The following PPFIA4 variants were observed in gnomAD, a reference collection of about 807,000 sequenced individuals.
PPFIA4 encodes the protein liprin-alpha-4.
In PPFIA4, 98 loss-of-function variants were observed where a neutral mutation model predicts 145.7. The ratio of observed to expected loss-of-function variants is 0.67; its 90% CI spans 0.57 to 0.80. PPFIA4 has a LOEUF of 0.80. Ranked by LOEUF, PPFIA4 falls within the 30% of genes least tolerant of loss-of-function variation. The pLI, the probability that PPFIA4 is intolerant of heterozygous loss-of-function variation, is 0.00. For missense variants in PPFIA4, 1,457 were observed against 1,632.7 expected (o/e 0.89, Z 1.85); for synonymous variants, 628 against 649.6 (o/e 0.97, Z 0.51).
chr1:203,053,366 C>G (rs920902089), intron 14 of PPFIA4, among the ~76,000 whole-genome samples: 1 of 151,994 alleles, frequency 6.6e-6, no homozygotes, highest in Non-Finnish European at 1.5e-5. Context: ...AACCCCGTCT[C>G]TACTAAAATA....
At chr1:203,052,807 A>G (rs1298880533) in intron 14 of PPFIA4, among the ~76,000 whole-genome samples, 1 of 152,042 alleles carries the variant, frequency 6.6e-6, no homozygotes, top group African/African-American at 2.4e-5. Context: ...TCCGCTGGAT[A>G]GGTTTGTAGG....
At position 203,039,024 on chromosome 1, in the gene PPFIA4, C is replaced by T; in HGVS notation, c.16C>T (p.Pro6Ser). 3 of 1,549,744 alleles carry T rather than the reference C, an allele frequency of 1.9e-6. No homozygotes were observed. Among genetic ancestry groups the T allele is most frequent in the Non-Finnish European group, 2.6e-6 (3 of 1,152,130 alleles). MCEVM[P>S]TINEGDRLGP... ...AACCCCCACCATGTGTGAGGTGATGCCCACAATCAATGAGGGGGACCGCCT... is the reference window on the plus strand; with the variant it reads ...AACCCCCACCATGTGTGAGGTGATGTCCACAATCAATGAGGGGGACCGCCT... The change falls in exon 2 of 30, where the codon CCC becomes TCC. Residue 6 changes from proline (P) to serine (S), a missense_variant. Coordinates refer to ENST00000295706, the MANE Select transcript of PPFIA4 (RefSeq NM_001304331.2).
At chr1:203,058,590 G>C (rs372704806) in intron 19 of PPFIA4, among the ~76,000 whole-genome samples, 6 of 152,076 alleles carry the variant, frequency 3.9e-5, no homozygotes, top group Non-Finnish European at 8.8e-5. Flanking sequence ...TGTGCACTGT[G>C]GGGGGGTGAC....
At chr1:203,066,335 C>T (rs374392550) in intron 25 of PPFIA4, among the ~76,000 whole-genome samples, 1 of 152,298 alleles carries the variant, frequency 6.6e-6, no homozygotes, top group East Asian at 1.9e-4. Flanking sequence ...AGAAGAGCCT[C>T]CTGCTGAGAA....
intron 24 of PPFIA4, among the ~76,000 whole-genome samples, chr1:203,062,517 A>G (rs892745828): frequency 1.5e-4 from 22 of 149,918 alleles, no homozygotes; most frequent in Non-Finnish European, 3.0e-4. Context: ...GATAGTCTCA[A>G]TAAGTAAACA....
chr1:203,046,227 T>C, intron 8 of PPFIA4, 21 bp from the exon 9 acceptor site: 1 of 1,577,204 alleles, frequency 6.3e-7, no homozygotes, highest in Non-Finnish European at 8.6e-7. Flanking sequence ...TTGAATCACT[T>C]CACCACCCCC....
Position 203,060,085 on chromosome 1 carries a change from C to A in PPFIA4, c.2584-132C>A. 4 of 884,460 alleles carry A rather than the reference C, an allele frequency of 4.5e-6. No homozygotes were observed. In the South Asian group the frequency reaches 6.6e-5, roughly 15 times the overall value. The allele number at this position is 884,460 out of a possible 1,614,324, so 54.8% of individuals were successfully genotyped here. A position where few individuals can be genotyped will look rare whatever the true frequency, so the allele number is the denominator to read the frequency against. On this transcript the variant is annotated intron_variant, in intron 21 of 29. Transcript: ENST00000295706. The surrounding 1 kb of genome is among the most constrained non-coding windows in gnomAD (Gnocchi z 4.8). ...ATGGGAGAGTGAGGGGTTTGATGAC[C>A]GCCACATTCCTATGATCTGTATTTG...
chr1:203,064,670 A>G (rs545850959), intron 25 of PPFIA4, among the ~76,000 whole-genome samples: 1 of 152,254 alleles, frequency 6.6e-6, no homozygotes, highest in Non-Finnish European at 1.5e-5. Flanking sequence ...AGTAGATTTT[A>G]TATACAATTC....
rs1205777692 is a variant in PPFIA4 at position 203,063,972 on chromosome 1, G to A, written c.3019G>A (p.Val1007Ile). ...LDHLTKKDLR[V>I]HLKMVDSFHR... The stretch of plus-strand genomic sequence containing the variant: ...CCACCTCACCAAGAAGGACCTGCGG[G>A]TCCACCTGAAGATGGTGGACAGCTT... Residue 1007 changes from valine (V) to isoleucine (I), a missense_variant, in exon 25 of 30, where the codon GTC (valine) becomes ATC (isoleucine). Around this residue, in one of 3 missense-constraint regions of PPFIA4, gnomAD observed 848 missense variants for 1,046.7 expected, o/e 0.81. Coordinates refer to ENST00000295706, the MANE Select transcript of PPFIA4 (RefSeq NM_001304331.2). The A allele has an allele frequency of 6.2e-7, 1 of 1,613,796 alleles. No individual in the cohort carries two copies. Among genetic ancestry groups the A allele is most frequent in the South Asian group, 1.1e-5 (1 of 91,080 alleles).
intron 1 of PPFIA4, among the ~76,000 whole-genome samples, chr1:203,027,115 C>T (rs536054362): frequency 2.0e-5 from 3 of 152,314 alleles, no homozygotes; most frequent in South Asian, 2.1e-4. Flanking sequence ...GCTAGCTCTC[C>T]ATTCCTCGAA....
intron 1 of PPFIA4, among the ~76,000 whole-genome samples, chr1:203,027,505 G>A (rs1008480584): frequency 6.6e-6 from 1 of 152,192 alleles, no homozygotes; most frequent in African/African-American, 2.4e-5. Context: ...AGAGGAGCAG[G>A]AGAGTTGGGG....
In PPFIA4 at chr1:203,059,792, C is replaced by T. The variant is rs1373921379; in HGVS notation, c.2524C>T (p.Arg842Cys). ...KKKHQLLEDA[R>C]RKGMPFAQWD... The stretch of plus-strand genomic sequence containing the variant: ...AAGACACCAGCTGCTTGAAGATGCC[C>T]GCAGGAAAGGAATGCCCTTTGCCCA... The change falls in exon 21 of 30, where the codon CGC (arginine) becomes TGC (cysteine). Residue 842 changes from arginine (R) to cysteine (C), a missense_variant. Around this residue, in one of 3 missense-constraint regions of PPFIA4, gnomAD observed 848 missense variants for 1,046.7 expected, o/e 0.81. Transcript: ENST00000295706. The T allele has an allele frequency of 5.0e-6, 8 of 1,613,496 alleles. No homozygotes were observed. The highest frequency in any genetic ancestry group is 1.1e-5 in the South Asian group (1 of 90,918).
chr1:203,074,174 G>C (rs1159811265), intron 28 of PPFIA4, among the ~76,000 whole-genome samples: 2 of 152,162 alleles, frequency 1.3e-5, no homozygotes, highest in African/African-American at 4.8e-5. Flanking sequence ...CTTAGCTACG[G>C]GGATAAGTTC....
chr1:203,053,854 G>A lies in PPFIA4; in HGVS notation c.1722G>A (p.Gly574=), dbSNP rs569224275. Residue 574 remains glycine (G), a synonymous_variant, in exon 15 of 30, where the codon GGG becomes GGA. Transcript: ENST00000295706. The stretch of plus-strand genomic sequence containing the variant: ...CCGACGTGGATGAGGATGAGCCAGG[G>A]GGTCTGGTGGGCTCTGCGGATGTTG... The part of the protein sequence containing the change: ...EISDVDEDEP[G]GLVGSADVVS... 1.3e-6 allele frequency: 2 copies of A among 1,555,876 alleles called. No homozygotes were observed. Among genetic ancestry groups the A allele is most frequent in the Admixed American group, 1.9e-5 (1 of 51,558 alleles).
chr1:203,071,435 T>TGAGATTACAGGCGTGAGCCACCGC (rs1558103447), intron 27 of PPFIA4, among the ~76,000 whole-genome samples: 1 of 151,270 alleles, frequency 6.6e-6, no homozygotes, highest in African/African-American at 2.4e-5. Context: ...CCTCCCAAAG[T>TGAGATTACAGGCGTGAGCCACCGC]GCCCGGCCAC....
chr1:203,039,330 A>G, intron 2 of PPFIA4, 88 bp downstream of exon 2: 1 of 941,506 alleles, frequency 1.1e-6, no homozygotes, highest in Non-Finnish European at 1.5e-6. Flanking sequence ...ATCTGCATCT[A>G]TTTGCATATC....
Position 203,068,494 on chromosome 1 carries a change from C to T in PPFIA4, c.3190C>T (p.Gln1064Ter). The T allele has an allele frequency of 6.2e-7, 1 of 1,608,500 alleles. No individual in the cohort carries two copies. ...CAACGACCAGGTGGTTCATTGGGTC[C>T]AGTCTATTGGGCTCCGGGACTACGC... Reference protein sequence around the residue: ...WTNDQVVHWVQSIGLRDYAGN... With the variant: ...WTNDQVVHWV The change falls in exon 27 of 30, where the codon CAG becomes TAG. Residue 1064 changes from glutamine (Q) to a stop codon, truncating the protein, a stop_gained. Transcript: ENST00000295706. LOFTEE classifies it high-confidence loss of function. The surrounding 1 kb of genome is among the most constrained non-coding windows in gnomAD (Gnocchi z 4.7).
intron 4 of PPFIA4, 125 bp downstream of exon 4, chr1:203,044,220 A>G (rs1659903160): frequency 8.1e-7 from 1 of 1,227,926 alleles, no homozygotes; most frequent in Non-Finnish European, 1.1e-6. Flanking sequence ...CATTGTCTTA[A>G]CTTCAAGGTC....
intron 26 of PPFIA4, 36 bp downstream of exon 26, chr1:203,067,828 G>A: frequency 6.3e-7 from 1 of 1,595,276 alleles, no homozygotes; most frequent in Non-Finnish European, 8.6e-7. Context: ...TTCGGGAGCA[G>A]CCTGCTTGGC....
Sources: allele counts gnomAD v4.1 joint callset (sites outside exome capture counted in the v4.1 genomes callset), GRCh38; gene constraint gnomAD v4.1.1; regional missense constraint gnomAD v4.1.1; non-coding constraint Gnocchi (gnomAD v3.1); transcripts MANE v1.5; gene names NCBI Gene and HGNC (gene_info 2026-07-23, HGNC 2026-07-21).